LDAH: variants seen among roughly 807,000 people sequenced by gnomAD.
The protein encoded by LDAH is lipid droplet-associated hydrolase.
Under a neutral mutation model 29.6 loss-of-function variants are expected in LDAH, and 26 were observed. The observed-to-expected ratio is 0.88, with a 90% CI of 0.64 to 1.22. The LOEUF is 1.22. Ranked by LOEUF, LDAH falls within the 50% of genes most tolerant of loss-of-function variation. The pLI, the probability that LDAH is intolerant of heterozygous loss-of-function variation, is 0.00. For synonymous variants in LDAH, 117 were observed against 133.0 expected (o/e 0.88, Z 0.83); for missense variants, 344 against 387.3 (o/e 0.89, Z 0.94).
At chr2:20,727,037 T>A (rs1423729057) in intron 5 of LDAH, among the ~76,000 whole-genome samples, 1 of 152,148 alleles carries the variant, frequency 6.6e-6, no homozygotes, top group Non-Finnish European at 1.5e-5. Context: ...AAAAAAACCT[T>A]TTCCTTCATT....
intron 4 of LDAH, among the ~76,000 whole-genome samples, chr2:20,769,494 C>T (rs1415546166): frequency 6.6e-6 from 1 of 152,218 alleles, no homozygotes; most frequent in Non-Finnish European, 1.5e-5. Flanking sequence ...CTTACTTTGA[C>T]AGCAGACATG....
intron 6 of LDAH, among the ~76,000 whole-genome samples, chr2:20,700,955 C>T (rs970031928): frequency 2.6e-5 from 4 of 152,154 alleles, no homozygotes; most frequent in Non-Finnish European, 4.4e-5. Flanking sequence ...CTACTCAGAA[C>T]GGACAGCCAG....
chr2:20,795,717 T>G (rs902711431), intron 2 of LDAH, among the ~76,000 whole-genome samples: 3 of 152,140 alleles, frequency 2.0e-5, no homozygotes, highest in Non-Finnish European at 4.4e-5. Context: ...TTGCATCCAT[T>G]AAACATCAGA....
chr2:20,768,629 G>A (rs941008445), intron 4 of LDAH, among the ~76,000 whole-genome samples: 4 of 152,156 alleles, frequency 2.6e-5, no homozygotes, highest in Non-Finnish European at 4.4e-5. Context: ...TCGGTGGAAC[G>A]AGCCCAGTGG....
At chr2:20,795,448 TTC>T (rs1572648379) in intron 2 of LDAH, among the ~76,000 whole-genome samples, 1 of 152,262 alleles carries the variant, frequency 6.6e-6, no homozygotes, top group East Asian at 1.9e-4. Context: ...CTTCACATGG[TTC>T]TGTTATCTCC....
At chr2:20,708,188 T>C (rs1250876076) in intron 5 of LDAH, among the ~76,000 whole-genome samples, 1 of 152,106 alleles carries the variant, frequency 6.6e-6, no homozygotes, top group Non-Finnish European at 1.5e-5. Flanking sequence ...CCCCAAACCA[T>C]TCCCCCAGCC....
At chr2:20,815,727 A>G (rs1672801641) in intron 1 of LDAH, among the ~76,000 whole-genome samples, 2 of 152,230 alleles carry the variant, frequency 1.3e-5, no homozygotes, top group African/African-American at 2.4e-5. Context: ...GATGACGGAA[A>G]CTAATTTGTC....
intron 4 of LDAH, among the ~76,000 whole-genome samples, chr2:20,744,047 T>C (rs532293621): frequency 2.0e-5 from 3 of 152,130 alleles, no homozygotes; most frequent in South Asian, 4.2e-4. Flanking sequence ...GCATTTCTCT[T>C]TGCTTTTTCC....
At chr2:20,735,897 T>C (rs1248797492) in intron 5 of LDAH, among the ~76,000 whole-genome samples, 1 of 152,112 alleles carries the variant, frequency 6.6e-6, no homozygotes, top group Non-Finnish European at 1.5e-5. Flanking sequence ...CCCTTGCTAC[T>C]TCTCCCCACA....
At chr2:20,812,022 C>T (rs1672536773) in intron 1 of LDAH, among the ~76,000 whole-genome samples, 1 of 151,820 alleles carries the variant, frequency 6.6e-6, no homozygotes, top group South Asian at 2.1e-4. Flanking sequence ...ATTTTGATGC[C>T]AAAGATGAGG....
intron 5 of LDAH, among the ~76,000 whole-genome samples, chr2:20,731,768 C>A (rs552163267): frequency 6.6e-6 from 1 of 151,496 alleles, no homozygotes; most frequent in East Asian, 1.9e-4. Context: ...TTGTGCTTAT[C>A]CTGTATCCTG....
chr2:20,819,298 T>A (rs1673079933), intron 1 of LDAH, among the ~76,000 whole-genome samples: 1 of 152,198 alleles, frequency 6.6e-6, no homozygotes, highest in Non-Finnish European at 1.5e-5. Context: ...TACAAACTAC[T>A]TACCTATATT....
chr2:20,751,109 A>T (rs1044737159), intron 4 of LDAH, among the ~76,000 whole-genome samples: 1 of 152,220 alleles, frequency 6.6e-6, no homozygotes, highest in Non-Finnish European at 1.5e-5. Flanking sequence ...TTCCCGTTTG[A>T]CAAACCTGCA....
intron 4 of LDAH, among the ~76,000 whole-genome samples, chr2:20,758,701 C>T (rs548562525): frequency 6.6e-6 from 1 of 152,066 alleles, no homozygotes; most frequent in Non-Finnish European, 1.5e-5. Flanking sequence ...CACAGGAGCT[C>T]ATGTTTGAGA....
chr2:20,807,065 C>G (rs677771), intron 1 of LDAH, among the ~76,000 whole-genome samples: 3,161 of 151,956 alleles, frequency 0.021, 102 homozygotes, highest in African/African-American at 0.072. Context: ...TACAATCAAT[C>G]AATATCAGAA....
At chr2:20,797,706 T>A (rs1671395048) in intron 2 of LDAH, among the ~76,000 whole-genome samples, 1 of 151,972 alleles carries the variant, frequency 6.6e-6, no homozygotes, top group African/African-American at 2.4e-5. Flanking sequence ...TGCCAGACAT[T>A]TGAGGAAAAC....
chr2:20,729,165 T>C (rs971270955), intron 5 of LDAH, among the ~76,000 whole-genome samples: 2 of 152,146 alleles, frequency 1.3e-5, no homozygotes, highest in African/African-American at 4.8e-5. Context: ...TTCAGTCTCC[T>C]GGAAGATGCA....
chr2:20,743,669 C>G (rs1293568995), intron 4 of LDAH, among the ~76,000 whole-genome samples: 1 of 152,090 alleles, frequency 6.6e-6, no homozygotes, highest in East Asian at 1.9e-4. Flanking sequence ...CTCTCTGATG[C>G]TCTTCTTTTC....
chr2:20,692,760 G>A (rs1403577688), intron 6 of LDAH, among the ~76,000 whole-genome samples: 1 of 152,122 alleles, frequency 6.6e-6, no homozygotes, highest in Non-Finnish European at 1.5e-5. Flanking sequence ...TGAGCCTTTG[G>A]CACAGACTAC....
Sources: allele counts gnomAD v4.1 joint callset (sites outside exome capture counted in the v4.1 genomes callset), GRCh38; gene constraint gnomAD v4.1.1; transcripts MANE v1.5; gene names NCBI Gene and HGNC (gene_info 2026-07-23, HGNC 2026-07-21).